The following BLTP2 variants were observed in gnomAD, a reference collection of about 807,000 sequenced individuals.
BLTP2 encodes bridge-like lipid transfer protein family member 2, also known as U937-associated antigen.
At chr17:28,632,076 G>A in the BLTP2 span, 10 of 1,614,066 alleles carry the variant, frequency 6.2e-6, no homozygotes, top group South Asian at 1.1e-5. Context: ...GGGCTGTATA[G>A]GAAAGTTGCT....
At chr17:28,622,074 G>A in the BLTP2 span, among the ~76,000 whole-genome samples, 1 of 152,130 alleles carries the variant, frequency 6.6e-6, no homozygotes, top group Non-Finnish European at 1.5e-5. Context: ...CCACTCTAAT[G>A]CTAGTATCGC....
chr17:28,614,521 A>G, the BLTP2 span: 1 of 205,258 alleles, frequency 4.9e-6, no homozygotes, highest in Non-Finnish European at 9.7e-6. Context: ...GGGGAAGGGT[A>G]GGGGACCCAT....
At chr17:28,638,091 T>C in the BLTP2 span, 1 of 1,613,628 alleles carries the variant, frequency 6.2e-7, no homozygotes, top group South Asian at 1.1e-5. Flanking sequence ...TGGTTATAGC[T>C]ACCCTAGAGA....
At chr17:28,630,317 C>G in the BLTP2 span, among the ~76,000 whole-genome samples, 1 of 151,794 alleles carries the variant, frequency 6.6e-6, no homozygotes. Context: ...CCACCACACC[C>G]AGATAATTTT....
chr17:28,634,159 C>T, the BLTP2 span: 2 of 1,304,830 alleles, frequency 1.5e-6, no homozygotes, highest in Non-Finnish European at 2.1e-6. Flanking sequence ...TCTTTTTCCT[C>T]ACCACTATTT....
chr17:28,618,708 T>C, the BLTP2 span: 1 of 1,092,398 alleles, frequency 9.2e-7, no homozygotes, highest in Non-Finnish European at 1.3e-6. Flanking sequence ...CCCCCTTTTA[T>C]TTCTCTTTTA....
the BLTP2 span, chr17:28,637,699 T>A: frequency 1.4e-6 from 1 of 706,834 alleles, no homozygotes; most frequent in Admixed American, 2.7e-5. Context: ...GGAGACAGAG[T>A]CTCGCTCGTT....
chr17:28,623,148 TA>T, the BLTP2 span, among the ~76,000 whole-genome samples: 28 of 147,452 alleles, frequency 1.9e-4, no homozygotes, highest in Middle Eastern at 3.4e-3. Flanking sequence ...CATACTGACT[TA>T]AAAAAAAAAA....
chr17:28,624,513 C>T, the BLTP2 span: 1 of 771,602 alleles, frequency 1.3e-6, no homozygotes, highest in Non-Finnish European at 2.0e-6. Context: ...AATACATCCT[C>T]CCAAACCTAA....
chr17:28,639,446 G>A, the BLTP2 span: 14 of 1,612,076 alleles, frequency 8.7e-6, no homozygotes, highest in Non-Finnish European at 7.6e-6. Context: ...AGGCTGAGAG[G>A]TCAATGGTGG....
the BLTP2 span, chr17:28,637,853 G>GTAA: frequency 1.9e-6 from 3 of 1,613,954 alleles, no homozygotes; most frequent in Non-Finnish European, 2.5e-6. Flanking sequence ...GGCAGAAAGG[G>GTAA]TAAACAAGTT....
the BLTP2 span, chr17:28,624,188 T>C: frequency 6.3e-7 from 1 of 1,590,078 alleles, no homozygotes; most frequent in Admixed American, 1.7e-5. Flanking sequence ...AACAATATGA[T>C]CATGATCTAG....
chr17:28,621,543 G>A, the BLTP2 span: 1 of 1,409,254 alleles, frequency 7.1e-7, no homozygotes, highest in Admixed American at 1.7e-5. Flanking sequence ...GGAAAAGAGT[G>A]GCTTGTCCTG....
the BLTP2 span, chr17:28,619,724 G>A: frequency 3.7e-6 from 6 of 1,613,910 alleles, no homozygotes; most frequent in Non-Finnish European, 5.1e-6. Flanking sequence ...TGCAACTGAA[G>A]CTTCTGGTTC....
chr17:28,640,596 T>C, the BLTP2 span: 2 of 1,614,164 alleles, frequency 1.2e-6, no homozygotes, highest in Middle Eastern at 1.6e-4. Context: ...CACGCTTGTG[T>C]TCTCCATCTT....
the BLTP2 span, chr17:28,640,504 C>A: frequency 1.3e-6 from 2 of 1,597,234 alleles, no homozygotes; most frequent in Admixed American, 1.7e-5. Context: ...TACAGAGATA[C>A]CAACATACAG....
the BLTP2 span, chr17:28,633,946 C>A: frequency 1.2e-6 from 2 of 1,614,140 alleles, no homozygotes; most frequent in African/African-American, 2.7e-5. Flanking sequence ...TCCACTGCCA[C>A]GTTACCCCAC....
chr17:28,625,142 C>G, the BLTP2 span, among the ~76,000 whole-genome samples: 1 of 151,774 alleles, frequency 6.6e-6, no homozygotes, highest in Admixed American at 6.6e-5. Context: ...TTGAGACCAT[C>G]CTGGCCAACA....
chr17:28,635,228 C>T, the BLTP2 span: 1 of 1,614,144 alleles, frequency 6.2e-7, no homozygotes, highest in Non-Finnish European at 8.5e-7. Flanking sequence ...ACCTCCACCT[C>T]CTTGAAGTTG....
Sources: gnomAD v4.1 joint callset for allele counts (sites outside exome capture counted in the v4.1 genomes callset) on GRCh38, gnomAD v4.1.1 for gene constraint, MANE v1.5 for transcripts, NCBI Gene and HGNC (gene_info 2026-07-23, HGNC 2026-07-21) for gene names.